The following GPHN variants were observed in gnomAD, a reference collection of about 807,000 sequenced individuals.
The protein encoded by GPHN is gephyrin.
GPHN carries 17 observed loss-of-function variants against 95.5 expected under a neutral mutation model. The observed-to-expected ratio is 0.18, with a 90% CI of 0.12 to 0.27. The LOEUF (loss-of-function observed/expected upper bound fraction) is 0.27. Among genes scored for constraint, GPHN ranks in the 10% least tolerant of loss-of-function variants. The probability of loss-of-function intolerance (pLI) is 1.00; values close to 1 mark genes in which losing one functional copy is unlikely to be tolerated. For missense variants in GPHN, 660 were observed against 978.1 expected (o/e 0.67, Z 4.34); for synonymous variants, 320 against 322.5 (o/e 0.99, Z 0.08).
intron 4 of GPHN, among the ~76,000 whole-genome samples, chr14:66,839,438 G>A (rs760411879): frequency 3.9e-5 from 6 of 152,068 alleles, no homozygotes; most frequent in South Asian, 4.1e-4. Flanking sequence ...ATATCCTTAC[G>A]TGGAATAATC....
intron 18 of GPHN, among the ~76,000 whole-genome samples, chr14:67,150,732 T>G (rs2081233092): frequency 6.6e-6 from 1 of 152,032 alleles, no homozygotes; most frequent in Admixed American, 6.5e-5. Context: ...TGTTTATATG[T>G]ATGTTTTGAG....
chr14:67,460,738 C>A, the GPHN span, among the ~76,000 whole-genome samples: 9 of 152,074 alleles, frequency 5.9e-5, no homozygotes, highest in Non-Finnish European at 8.8e-5. Flanking sequence ...CTCTTTACCC[C>A]ATGTAGTAGG....
At chr14:67,242,724 A>G in the GPHN span, among the ~76,000 whole-genome samples, 1 of 152,160 alleles carries the variant, frequency 6.6e-6, no homozygotes, top group Non-Finnish European at 1.5e-5. Context: ...ATTATAATGT[A>G]AGAGATTTAT....
intron 1 of GPHN, among the ~76,000 whole-genome samples, chr14:66,677,095 T>C (rs2066646457): frequency 6.6e-6 from 1 of 152,114 alleles, no homozygotes; most frequent in Non-Finnish European, 1.5e-5. Context: ...TAATAATTTC[T>C]AGTGGTCCTT....
chr14:66,530,269 G>C (rs2058863254), intron 1 of GPHN, among the ~76,000 whole-genome samples: 1 of 152,082 alleles, frequency 6.6e-6, no homozygotes, highest in African/African-American at 2.4e-5. Context: ...GCCTACTCAA[G>C]CCTCAGTAAT....
At chr14:67,632,050 A>G in the GPHN span, among the ~76,000 whole-genome samples, 8 of 151,214 alleles carry the variant, frequency 5.3e-5, no homozygotes, top group African/African-American at 1.9e-4. Flanking sequence ...AATTTTGTTT[A>G]TTTTTTTCTT....
intron 21 of GPHN, among the ~76,000 whole-genome samples, chr14:67,177,997 G>A (rs978834584): frequency 2.0e-5 from 3 of 152,140 alleles, no homozygotes; most frequent in Non-Finnish European, 4.4e-5. Context: ...ACAGCACACC[G>A]ATGGGTCTTG....
chr14:67,468,180 G>A, the GPHN span, among the ~76,000 whole-genome samples: 2 of 152,084 alleles, frequency 1.3e-5, no homozygotes, highest in African/African-American at 2.4e-5. Flanking sequence ...CACCATGTTG[G>A]CCACGCTGGT....
At chr14:66,799,579 TCTA>T (rs749375362) in intron 3 of GPHN, among the ~76,000 whole-genome samples, 226 of 152,186 alleles carry the variant, frequency 1.5e-3, no homozygotes, top group Non-Finnish European at 2.4e-3. Flanking sequence ...CTTTGTCTCT[TCTA>T]ATAGTTTGGC....
intron 1 of GPHN, among the ~76,000 whole-genome samples, chr14:66,647,758 A>T (rs2064836992): frequency 6.6e-6 from 1 of 152,264 alleles, no homozygotes; most frequent in Middle Eastern, 3.4e-3. Flanking sequence ...ATCATAAGTA[A>T]CTGAAACTCT....
the GPHN span, among the ~76,000 whole-genome samples, chr14:67,432,417 A>G: frequency 6.6e-6 from 1 of 152,362 alleles, no homozygotes; most frequent in South Asian, 2.1e-4. Flanking sequence ...GCCTTCTGCA[A>G]AGAGAGACTT....
At chr14:66,612,680 A>G (rs1182362923) in intron 1 of GPHN, among the ~76,000 whole-genome samples, 1 of 152,046 alleles carries the variant, frequency 6.6e-6, no homozygotes, top group Non-Finnish European at 1.5e-5. Flanking sequence ...TATAGATAGA[A>G]TGTTTCTTTC....
rs2066294188 is a variant in GPHN, at chr14:66,922,914, A to T, written c.705A>T (p.Ile235=). ...ASTEDSSSSH[I]TAAAIAAKKH... ...CAGAAGATAGTTCCTCATCACATAT[A>T]ACTGCAGCAGCCATTGCTGCCAAGG... The change falls in exon 7 of 23, where the codon ATA becomes ATT. Residue 235 remains isoleucine, a synonymous_variant. Coordinates refer to ENST00000478722, the MANE Select transcript of GPHN (RefSeq NM_020806.5). 9 of 1,613,082 alleles carry T rather than the reference A, an allele frequency of 5.6e-6. No individual in the cohort carries two copies. The highest frequency in any genetic ancestry group is 7.6e-6 in the Non-Finnish European group (9 of 1,179,842).
At chr14:67,474,607 A>G in the GPHN span, among the ~76,000 whole-genome samples, 1 of 152,210 alleles carries the variant, frequency 6.6e-6, no homozygotes, top group Non-Finnish European at 1.5e-5. Flanking sequence ...TGTACAATTC[A>G]GTGGTCTTAA....
chr14:66,949,993 G>GAAAAAAAAAAAAAAAAAAAAAA (rs71129809), intron 8 of GPHN, among the ~76,000 whole-genome samples: 2 of 57,818 alleles, frequency 3.5e-5, no homozygotes, highest in African/African-American at 5.0e-5. Context: ...TTTAGGACAG[G>GAAAAAAAAAAAAAAAAAAAAAA]AAAAAAAAAA....
chr14:67,442,517 G>C, the GPHN span, among the ~76,000 whole-genome samples: 1 of 152,166 alleles, frequency 6.6e-6, no homozygotes, highest in Non-Finnish European at 1.5e-5. Flanking sequence ...TCCTTCCAAA[G>C]AAGGTGACTA....
At chr14:67,660,436 A>C in the GPHN span, among the ~76,000 whole-genome samples, 1 of 152,144 alleles carries the variant, frequency 6.6e-6, no homozygotes, top group African/African-American at 2.4e-5. Context: ...ACAGAAAAGG[A>C]GTCAGGATTC....
intron 1 of GPHN, among the ~76,000 whole-genome samples, chr14:66,651,641 A>G (rs949806806): frequency 2.0e-5 from 3 of 152,120 alleles, no homozygotes; most frequent in Admixed American, 6.5e-5. Flanking sequence ...GACAACTTCA[A>G]ATCTCCATAT....
At chr14:66,548,236 A>G (rs2059677958) in intron 1 of GPHN, among the ~76,000 whole-genome samples, 1 of 147,880 alleles carries the variant, frequency 6.8e-6, no homozygotes, top group Non-Finnish European at 1.5e-5. Context: ...TCTGGAGTGC[A>G]ATGGCACGAT....
Sources: allele counts gnomAD v4.1 joint callset (sites outside exome capture counted in the v4.1 genomes callset), GRCh38; gene constraint gnomAD v4.1.1; transcripts MANE v1.5; gene names NCBI Gene and HGNC (gene_info 2026-07-23, HGNC 2026-07-21).